TRIM67: variants seen among roughly 807,000 people sequenced by gnomAD.
The protein encoded by TRIM67 is tripartite motif containing 67.
Under a neutral mutation model 71.0 loss-of-function variants are expected in TRIM67, and 39 were observed. The observed-to-expected ratio is 0.55, with a 90% CI of 0.43 to 0.72. The LOEUF is 0.72. TRIM67 is among the 30% of genes least tolerant of loss of function. TRIM67 has a pLI of 0.00. For synonymous variants in TRIM67, 481 were observed against 473.9 expected (o/e 1.01, Z -0.19); for missense variants, 973 against 1,079.2 (o/e 0.90, Z 1.38).
chr1:231,204,533 T>C (rs1683643024), intron 6 of TRIM67, among the ~76,000 whole-genome samples: 1 of 152,156 alleles, frequency 6.6e-6, no homozygotes, highest in African/African-American at 2.4e-5. Flanking sequence ...TAAAGGTTCT[T>C]AGTGAGCCAG....
rs553089907 is a variant in TRIM67 at position 231,187,388 on chromosome 1, C to A, written c.1045-9983C>A. On this transcript the variant is annotated intron_variant, in intron 1 of 9. Coordinates refer to ENST00000366653, the MANE Select transcript of TRIM67 (RefSeq NM_001004342.5). ...TCTCTGCTTACCCAGGAGCCTCTAC[C>A]TTTTAATTTTTTTAAAAAATGAGTC... 2.1e-5 allele frequency: 18 copies of A among 871,186 alleles called. No homozygotes were observed. In the South Asian group the frequency reaches 2.3e-4, roughly 11 times the overall value. The allele number at this position is 871,186 out of a possible 1,614,324, so 54.0% of individuals were successfully genotyped here.
intron 5 of TRIM67, among the ~76,000 whole-genome samples, chr1:231,201,725 A>G (rs1299941597): frequency 1.3e-5 from 2 of 152,226 alleles, no homozygotes; most frequent in East Asian, 3.9e-4. Flanking sequence ...ACCAGTCAGA[A>G]TCTGAGGCTT....
intron 1 of TRIM67, among the ~76,000 whole-genome samples, chr1:231,179,572 A>G (rs114648299): frequency 0.039 from 6,016 of 152,310 alleles, 159 homozygotes; most frequent in Non-Finnish European, 0.059. Flanking sequence ...AATTTTTGCA[A>G]TCAGACCTTG....
chr1:231,215,353 C>A, intron 9 of TRIM67, 22 bp from the exon 10 acceptor site: 1 of 1,610,922 alleles, frequency 6.2e-7, no homozygotes, highest in African/African-American at 1.3e-5. Flanking sequence ...CCCACCCTCA[C>A]TTGCCCTGTC....
At chr1:231,201,075 C>T (rs2102750016) in intron 4 of TRIM67, among the ~76,000 whole-genome samples, 1 of 152,296 alleles carries the variant, frequency 6.6e-6, no homozygotes, top group East Asian at 1.9e-4. Flanking sequence ...ATTTAAAAAG[C>T]ATCTTGCATT....
intron 1 of TRIM67, among the ~76,000 whole-genome samples, chr1:231,183,403 A>G (rs1682962151): frequency 6.6e-6 from 1 of 152,150 alleles, no homozygotes; most frequent in Non-Finnish European, 1.5e-5. Flanking sequence ...ATTTGAGACC[A>G]ACCTGGGCAA....
rs117065429 is a variant in TRIM67, at chr1:231,163,986, G to T, written c.1017G>T (p.Pro339=). Residue 339 remains proline, a synonymous_variant, in exon 1 of 10, where the codon CCG becomes CCT. Transcript: ENST00000366653. The part of the protein sequence containing the change: ...EGRHAKHEVK[P]LGAMWKQHKA... ...GGCACGCCAAGCACGAGGTGAAGCC[G>T]CTGGGGGCCATGTGGAAGCAGCACA... 2 of 1,576,268 alleles carry T rather than the reference G, an allele frequency of 1.3e-6. No individual in the cohort carries two copies. Among genetic ancestry groups the T allele is most frequent in the Non-Finnish European group, 1.7e-6 (2 of 1,160,574 alleles).
intron 1 of TRIM67, among the ~76,000 whole-genome samples, chr1:231,174,152 C>CTTTTTTTTTTTTTTT (rs35651112): frequency 3.3e-4 from 42 of 127,342 alleles, no homozygotes; most frequent in South Asian, 5.1e-4. Context: ...GTCTTATTTT[C>CTTTTTTTTTTTTTTT]TTTTTTTTTT....
chr1:231,219,636 T>C lies in TRIM67; in HGVS notation c.*4196T>C, dbSNP rs1684094221. The C allele has an allele frequency of 1.7e-6, 2 of 1,147,202 alleles. No homozygotes were observed. Among genetic ancestry groups the C allele is most frequent in the Non-Finnish European group, 1.1e-6 (1 of 922,400 alleles). 71.1% of individuals were successfully genotyped at this position (1,147,202 alleles called of 1,614,324 possible). ...GAAAGCAAAACTCGTTACCTTTGTT[T>C]TCCTTGGCCACATTTTACTGGAAGC... On this transcript the variant is annotated 3_prime_UTR_variant, in exon 10 of 10. Coordinates refer to ENST00000366653, the MANE Select transcript of TRIM67 (RefSeq NM_001004342.5).
At position 231,216,104 on chromosome 1, in the gene TRIM67, T is replaced by TTC. The variant is rs1026807719; in HGVS notation, c.*676_*677dup. 64 of 984,434 alleles carry TTC rather than the reference T, an allele frequency of 6.5e-5. No individual in the cohort carries two copies. Among genetic ancestry groups the TTC allele is most frequent in the South Asian group, 9.4e-5 (2 of 21,258 alleles). 61.0% of individuals were successfully genotyped at this position (984,434 alleles called of 1,614,324 possible). A position where few individuals can be genotyped will look rare whatever the true frequency, so the allele number is the denominator to read the frequency against. On this transcript the variant is annotated 3_prime_UTR_variant, in exon 10 of 10. Transcript: ENST00000366653. ...TTCCTTTATTAATCAGCCAATTGTGTTCTCTCTCTCTCTTCCTCCATCCTT... is the reference window on the plus strand; with the variant it reads ...TTCCTTTATTAATCAGCCAATTGTGTTCTCTCTCTCTCTCTTCCTCCATCCTT...
In TRIM67 at chr1:231,199,237, A is replaced by G; in HGVS notation, c.1263+68A>G. 2.7e-6 allele frequency: 4 copies of G among 1,481,224 alleles called. No individual in the cohort carries two copies. In the South Asian group the frequency reaches 4.5e-5, roughly 17 times the overall value. 91.8% of individuals were successfully genotyped at this position (1,481,224 alleles called of 1,614,324 possible). On this transcript the variant is annotated intron_variant, in intron 3 of 9. Coordinates refer to ENST00000366653, the MANE Select transcript of TRIM67 (RefSeq NM_001004342.5). ...CTCTGCACCCAGCGTGGGGTGGAGC[A>G]CAGAGTAGGCACTGGGGAAATAACA...
intron 6 of TRIM67, among the ~76,000 whole-genome samples, chr1:231,205,374 G>C (rs1173495184): frequency 6.6e-6 from 1 of 152,220 alleles, no homozygotes; most frequent in Non-Finnish European, 1.5e-5. Context: ...CATTTGGGGG[G>C]TTGAATAGGA....
At chr1:231,194,814 C>T (rs1326171330) in intron 1 of TRIM67, among the ~76,000 whole-genome samples, 1 of 152,158 alleles carries the variant, frequency 6.6e-6, no homozygotes, top group East Asian at 1.9e-4. Flanking sequence ...TCCCGAGTAG[C>T]TGGGACTACA....
intron 4 of TRIM67, among the ~76,000 whole-genome samples, chr1:231,200,481 T>C (rs1055602376): frequency 6.6e-6 from 1 of 152,200 alleles, no homozygotes; most frequent in African/African-American, 2.4e-5. Context: ...AATGACATCA[T>C]CTCTAGGCCT....
chr1:231,186,601 A>G (rs983589643), intron 1 of TRIM67, among the ~76,000 whole-genome samples: 6 of 152,002 alleles, frequency 3.9e-5, no homozygotes, highest in African/African-American at 9.7e-5. Flanking sequence ...GTCTGTCTCT[A>G]TGTCCAAATC....
rs569049864 is a variant in TRIM67, at chr1:231,217,000, T to A, written c.*1560T>A. The A allele has an allele frequency of 7.1e-6, 7 of 985,910 alleles. No homozygotes were observed. In the East Asian group the frequency reaches 7.9e-4, roughly 112 times the overall value. 61.1% of individuals were successfully genotyped at this position (985,910 alleles called of 1,614,324 possible). A position where few individuals can be genotyped will look rare whatever the true frequency, so the allele number is the denominator to read the frequency against. ...TTGTCAATTTGCTGGACTGGATTTTTATAAAATTCGCCCATTCACCAGCAC... is the reference window on the plus strand; with the variant it reads ...TTGTCAATTTGCTGGACTGGATTTTAATAAAATTCGCCCATTCACCAGCAC... On this transcript the variant is annotated 3_prime_UTR_variant, in exon 10 of 10. Transcript: ENST00000366653.
chr1:231,180,235 T>C (rs1682862646), intron 1 of TRIM67, among the ~76,000 whole-genome samples: 1 of 152,222 alleles, frequency 6.6e-6, no homozygotes, highest in Non-Finnish European at 1.5e-5. Context: ...GGATATTGCA[T>C]CATTTGTATT....
chr1:231,198,530 G>A (rs1409192768), intron 2 of TRIM67, among the ~76,000 whole-genome samples: 3 of 152,158 alleles, frequency 2.0e-5, no homozygotes, highest in African/African-American at 7.2e-5. Context: ...GGGATTACAG[G>A]CATGTGCCCC....
intron 5 of TRIM67, among the ~76,000 whole-genome samples, chr1:231,202,024 CAGAGGAGGAGGAGG>C: frequency 1.1e-5 from 1 of 92,538 alleles, no homozygotes; most frequent in Admixed American, 1.2e-4. Context: ...GAAGTGGTGG[CAGAGGAGGAGGAGG>C]TGGAGGAGGT....
Sources: gnomAD v4.1 joint callset for allele counts (sites outside exome capture counted in the v4.1 genomes callset) on GRCh38, gnomAD v4.1.1 for gene constraint, MANE v1.5 for transcripts, NCBI Gene and HGNC (gene_info 2026-07-23, HGNC 2026-07-21) for gene names.